ABCC8: variants seen among roughly 807,000 people sequenced by gnomAD.
The protein encoded by ABCC8 is ATP-binding cassette sub-family C member 8.
Under a neutral mutation model 188.0 loss-of-function variants are expected in ABCC8, and 137 were observed. That is an observed-to-expected ratio of 0.73 (90% CI 0.63 to 0.84). The LOEUF (loss-of-function observed/expected upper bound fraction) is 0.84, where lower values mean the gene tolerates loss of function less well. Ranked by LOEUF, ABCC8 falls within the 40% of genes least tolerant of loss-of-function variation. The pLI, the probability that ABCC8 is intolerant of heterozygous loss-of-function variation, is 0.00. For missense variants in ABCC8, 1,750 were observed against 2,072.7 expected, an observed-to-expected ratio of 0.84 and a Z score of 3.02; for synonymous variants, 797 against 846.5, an observed-to-expected ratio of 0.94 and a Z score of 1.01.
chr11:17,428,719 G>A, intron 12 of ABCC8, 49 bp from the exon 13 acceptor site: 7 of 1,604,548 alleles, frequency 4.4e-6, no homozygotes, highest in Non-Finnish European at 5.9e-6. Context: ...GGGGCAGAGG[G>A]GAGGGGAGAG....
At chr11:17,430,585 G>C in intron 12 of ABCC8, 1 of 587,260 alleles carries the variant, frequency 1.7e-6, no homozygotes, top group Non-Finnish European at 3.1e-6. Flanking sequence ...AAGTGACAGT[G>C]AGTCCCCTCT....
At chr11:17,450,260 C>CTCCTTCTTTCTT (rs1956719080) in intron 7 of ABCC8, among the ~76,000 whole-genome samples, 1 of 67,664 alleles carries the variant, frequency 1.5e-5, no homozygotes, top group East Asian at 3.0e-4. Context: ...TTCTTTCTTT[C>CTCCTTCTTTCTT]TCTTTCTTTC....
rs1266755149 is a variant in ABCC8 at position 17,431,025 on chromosome 11, G to T, written c.1672-66C>A. 13 of 1,589,226 alleles carry T rather than the reference G, an allele frequency of 8.2e-6. No homozygotes were observed. In the East Asian group the frequency reaches 2.3e-4, roughly 28 times the overall value. On this transcript the variant is annotated intron_variant, in intron 11 of 38. Transcript: ENST00000389817. ...TGTGGGTCCCTCCCACACTGGAAAC[G>T]CTCAGCACTGGAAGGGAAATGAGAG...
At chr11:17,412,816 A>C in intron 20 of ABCC8, 70 bp from the exon 21 acceptor site, 1 of 1,557,228 alleles carries the variant, frequency 6.4e-7, no homozygotes, top group Non-Finnish European at 8.7e-7. Flanking sequence ...ACCCTACTGG[A>C]CTATGAGCTC....
chr11:17,404,374 T>G lies in ABCC8; in HGVS notation c.3557+138A>C. On this transcript the variant is annotated intron_variant, in intron 28 of 38. Transcript: ENST00000389817. The surrounding 1 kb of genome is among the most constrained non-coding windows in gnomAD (Gnocchi z 4.7). Reference sequence around the variant, plus strand: ...CGGTGGAATAAGATGTGGATATTTCTATTTCCTTCATTTCTGTTTTTTGTT... The same window carrying G: ...CGGTGGAATAAGATGTGGATATTTCGATTTCCTTCATTTCTGTTTTTTGTT... 3.3e-6 allele frequency: 3 copies of G among 921,148 alleles called. No individual in the cohort carries two copies. Among genetic ancestry groups the G allele is most frequent in the Non-Finnish European group, 5.4e-6 (3 of 559,696 alleles). The allele number at this position is 921,148 out of a possible 1,614,324, so 57.1% of individuals were successfully genotyped here. A position where few individuals can be genotyped will look rare whatever the true frequency, so the allele number is the denominator to read the frequency against.
chr11:17,407,101 GT>G lies in ABCC8; in HGVS notation c.2948del (p.Asp983AlafsTer59). 1 of 1,613,398 alleles carries G rather than the reference GT, an allele frequency of 6.2e-7. No homozygotes were observed. Among genetic ancestry groups the G allele is most frequent in the Non-Finnish European group, 8.5e-7 (1 of 1,180,006 alleles). On this transcript the variant is annotated frameshift_variant, in exon 25 of 39. Coordinates refer to ENST00000389817, the MANE Select transcript of ABCC8 (RefSeq NM_000352.6). LOFTEE classifies it high-confidence loss of function. Reference sequence around the variant, plus strand: ...GCTGGTGCAGCATGGACGACAGGTTGTCATCCTCCTCGCTCTCAGCTGCCTC... The same window carrying G: ...GCTGGTGCAGCATGGACGACAGGTTGCATCCTCCTCGCTCTCAGCTGCCTC... Reference protein sequence around the residue: ...EEEAAESEEDDNLSSMLHQRA... With the variant: ...EEEAAESEEDXNLSSMLHQRA...
At chr11:17,405,224 T>C (rs1349752955) in intron 27 of ABCC8, among the ~76,000 whole-genome samples, 2 of 152,268 alleles carry the variant, frequency 1.3e-5, no homozygotes, top group African/African-American at 4.8e-5. Context: ...ATCAGCCACC[T>C]TGGTTCAGAA....
At chr11:17,413,547 G>T in intron 19 of ABCC8, 69 bp from the exon 20 acceptor site, 2 of 1,612,052 alleles carry the variant, frequency 1.2e-6, no homozygotes, top group East Asian at 2.2e-5. Flanking sequence ...ACTTGCAGAG[G>T]GTCATTAGTC....
chr11:17,455,897 C>G (rs909621628), intron 6 of ABCC8, among the ~76,000 whole-genome samples: 1 of 149,282 alleles, frequency 6.7e-6, no homozygotes, highest in African/African-American at 2.5e-5. Context: ...TAAGATTGCG[C>G]CAGTGCACTC....
At chr11:17,432,586 G>A (rs532165477) in intron 10 of ABCC8, among the ~76,000 whole-genome samples, 6 of 152,214 alleles carry the variant, frequency 3.9e-5, no homozygotes, top group African/African-American at 1.4e-4. Flanking sequence ...ACGTGTTTCT[G>A]GGGGCACAAA....
At chr11:17,409,714 G>A (rs1166279625) in intron 22 of ABCC8, among the ~76,000 whole-genome samples, 1 of 152,024 alleles carries the variant, frequency 6.6e-6, no homozygotes, top group Non-Finnish European at 1.5e-5. Context: ...TATAGGAGTA[G>A]GCAAGACCTA....
chr11:17,434,493 A>G (rs1251161439), intron 10 of ABCC8, among the ~76,000 whole-genome samples: 4 of 152,196 alleles, frequency 2.6e-5, no homozygotes, highest in East Asian at 1.9e-4. Context: ...ACAAAATTCA[A>G]TAAAACAAAA....
rs758289249 is a variant in ABCC8 at position 17,461,703 on chromosome 11, G to C, written c.702C>G (p.Asn234Lys). 2 of 1,614,198 alleles carry C rather than the reference G, an allele frequency of 1.2e-6. No individual in the cohort carries two copies. The highest frequency in any genetic ancestry group is 1.7e-6 in the Non-Finnish European group (2 of 1,180,048). ...TCTTGTGGGCAGTCTTGATGAAGGCGTTCATCCACCAGTAGGTGCCTTTGG... is the reference window on the plus strand; with the variant it reads ...TCTTGTGGGCAGTCTTGATGAAGGCCTTCATCCACCAGTAGGTGCCTTTGG... ...LLSKGTYWWM[N>K]AFIKTAHKKP... is the part of the protein sequence containing the mutation. Residue 234 changes from asparagine to lysine, a missense_variant, in exon 5 of 39, where the codon AAC (asparagine) becomes AAG (lysine). Asn to Lys is a moderately conservative substitution (Grantham distance 94). Coordinates refer to ENST00000389817, the MANE Select transcript of ABCC8 (RefSeq NM_000352.6).
chr11:17,404,399 T>C lies in ABCC8; in HGVS notation c.3557+113A>G. 8.7e-7 allele frequency: 1 copy of C among 1,155,164 alleles called. No homozygotes were observed. Among genetic ancestry groups the C allele is most frequent in the Non-Finnish European group, 1.3e-6 (1 of 766,382 alleles). The allele number at this position is 1,155,164 out of a possible 1,614,324, so 71.6% of individuals were successfully genotyped here. ...TATTTCCTTCATTTCTGTTTTTTGTTTTTATTTTTTGGAGGGAACACGACC... is the reference window on the plus strand; with the variant it reads ...TATTTCCTTCATTTCTGTTTTTTGTCTTTATTTTTTGGAGGGAACACGACC... On this transcript the variant is annotated intron_variant, in intron 28 of 38. Coordinates refer to ENST00000389817, the MANE Select transcript of ABCC8 (RefSeq NM_000352.6). This position sits in a 1 kb window ranked among gnomAD's most constrained non-coding sequence, Gnocchi z 4.7.
At chr11:17,444,075 C>T (rs1956429518) in intron 8 of ABCC8, among the ~76,000 whole-genome samples, 1 of 152,170 alleles carries the variant, frequency 6.6e-6, no homozygotes, top group Admixed American at 6.5e-5. Context: ...TCCCAGAGCC[C>T]TACACCAGAT....
At position 17,404,685 on chromosome 11, in the gene ABCC8, G is replaced by C; in HGVS notation, c.3400-16C>G. The C allele has an allele frequency of 1.3e-6, 2 of 1,592,538 alleles. No homozygotes were observed. Among genetic ancestry groups the C allele is most frequent in the Non-Finnish European group, 1.7e-6 (2 of 1,169,812 alleles). On this transcript the variant is annotated splice_polypyrimidine_tract_variant and intron_variant, in intron 27 of 38. Transcript: ENST00000389817. This position sits in a 1 kb window ranked among gnomAD's most constrained non-coding sequence, Gnocchi z 4.7. Reference sequence around the variant, plus strand: ...ATGGGATGTGCTGAGGGAGACGAGGGGGAGAGAGTGAGGTGAATTTTGGTA... The same window carrying C: ...ATGGGATGTGCTGAGGGAGACGAGGCGGAGAGAGTGAGGTGAATTTTGGTA...
At chr11:17,432,105 GA>G in intron 11 of ABCC8, 98 bp downstream of exon 11, 11 of 1,443,758 alleles carry the variant, frequency 7.6e-6, no homozygotes, top group Non-Finnish European at 9.5e-6. Flanking sequence ...CCTGTCTTCT[GA>G]GGCCCCTGTG....
rs755833610 is a variant in ABCC8, at chr11:17,474,918, C to T, written c.258G>A (p.Val86=). The T allele has an allele frequency of 6.2e-7, 1 of 1,614,230 alleles. No individual in the cohort carries two copies. Among genetic ancestry groups the T allele is most frequent in the Non-Finnish European group, 8.5e-7 (1 of 1,180,044 alleles). The change falls in exon 2 of 39, where the codon GTG becomes GTA. Residue 86 remains valine, a synonymous_variant. Transcript: ENST00000389817. ...ILTFMLLFVL[V]CEIAEGILSD... is the part of the protein sequence containing the mutation. ...ACAGGATGCCCTCTGCAATCTCACACACCAGGACGAAGAGCAGCATGAAGG... is the reference window on the plus strand; with the variant it reads ...ACAGGATGCCCTCTGCAATCTCACATACCAGGACGAAGAGCAGCATGAAGG...
At position 17,430,919 on chromosome 11, in the gene ABCC8, A is replaced by T; in HGVS notation, c.1712T>A (p.Phe571Tyr). The change falls in exon 12 of 39, where the codon TTC (phenylalanine) becomes TAC (tyrosine). Residue 571 changes from phenylalanine to tyrosine, a missense_variant. Coordinates refer to ENST00000389817, the MANE Select transcript of ABCC8 (RefSeq NM_000352.6). ...GGAGGCAAAGGCCACGGAGGGCGAGAAGTCGGCCTCTTTGAAGAAGCTGAC... is the reference window on the plus strand; with the variant it reads ...GGAGGCAAAGGCCACGGAGGGCGAGTAGTCGGCCTCTTTGAAGAAGCTGAC... ...GHVSFFKEADFSPSVAFASLS... is the reference protein window; with the variant it reads ...GHVSFFKEADYSPSVAFASLS... The T allele has an allele frequency of 6.2e-7, 1 of 1,614,248 alleles. No homozygotes were observed. Among genetic ancestry groups the T allele is most frequent in the Non-Finnish European group, 8.5e-7 (1 of 1,180,024 alleles).
Sources: gnomAD v4.1 joint callset for allele counts (sites outside exome capture counted in the v4.1 genomes callset) on GRCh38, gnomAD v4.1.1 for gene constraint, Gnocchi (gnomAD v3.1) non-coding constraint, MANE v1.5 for transcripts, NCBI Gene and HGNC (gene_info 2026-07-23, HGNC 2026-07-21) for gene names.